The following ZNF462 variants were observed in gnomAD, a reference collection of about 807,000 sequenced individuals.
ZNF462 encodes the protein zinc finger PBX1-interacting protein.
A neutral mutation model predicts 201.9 loss-of-function variants in ZNF462; 10 were observed. The ratio of observed to expected loss-of-function variants is 0.05; its 90% CI spans 0.03 to 0.08. The LOEUF is 0.08. ZNF462 is among the 10% of genes least tolerant of loss of function. The pLI is 1.00. For missense variants in ZNF462, 2,523 were observed against 3,168.3 expected, an observed-to-expected ratio of 0.80 and a Z score of 4.89; for synonymous variants, 1,227 against 1,193.3, an observed-to-expected ratio of 1.03 and a Z score of -0.58.
In ZNF462 at chr9:106,914,866, T is replaced by C. The variant is rs147677780; in HGVS notation, c.-30-8488T>C. Among the ~76,000 whole-genome samples, 130 of 152,224 alleles carry C rather than the reference T, an allele frequency of 8.5e-4. 1 individual carries two copies. In the East Asian group the frequency reaches 0.017, roughly 20 times the overall value. ...GGGAGTGGTGGCTAAGATAGAGTTG[T>C]CAAGGAAAGCCCCTGGATTTAATTT... On this transcript the variant is annotated intron_variant, in intron 1 of 12. Coordinates refer to ENST00000277225, the MANE Select transcript of ZNF462 (RefSeq NM_021224.6).
chr9:107,002,977 G>T (rs1018723578), intron 10 of ZNF462, among the ~76,000 whole-genome samples: 4 of 152,096 alleles, frequency 2.6e-5, no homozygotes, highest in Non-Finnish European at 5.9e-5. Context: ...AATGTGTTTT[G>T]GATATTTACT....
chr9:106,982,970 T>G (rs77640922), intron 9 of ZNF462, among the ~76,000 whole-genome samples: 1 of 152,344 alleles, frequency 6.6e-6, no homozygotes, highest in East Asian at 1.9e-4. Flanking sequence ...CTTTCTTGAC[T>G]TAATAATACA....
rs1451165888 is a variant in ZNF462, at chr9:106,865,777, G to C, written c.-31+2422G>C. 6.6e-6 allele frequency among the ~76,000 whole-genome samples: 1 copy of C among 152,128 alleles called. No homozygotes were observed. Among genetic ancestry groups the C allele is most frequent in the Non-Finnish European group, 1.5e-5 (1 of 68,038 alleles). On this transcript the variant is annotated intron_variant, in intron 1 of 12. Coordinates refer to ENST00000277225, the MANE Select transcript of ZNF462 (RefSeq NM_021224.6). This position sits in a 1 kb window ranked among gnomAD's most constrained non-coding sequence, Gnocchi z 4.1. ...GGTATCTTCACCTTTTTAATTGGGA[G>C]GAATTTATTAATCATGTAGGAAGAC... is the stretch of plus-strand genomic sequence containing the variant.
chr9:106,952,665 A>G (rs1454122182), intron 7 of ZNF462, among the ~76,000 whole-genome samples: 1 of 152,246 alleles, frequency 6.6e-6, no homozygotes, highest in South Asian at 2.1e-4. Flanking sequence ...GATGAGTCCC[A>G]GTGTTAGACA....
At chr9:106,934,758 C>T (rs1830560711) in intron 5 of ZNF462, among the ~76,000 whole-genome samples, 1 of 152,122 alleles carries the variant, frequency 6.6e-6, no homozygotes, top group African/African-American at 2.4e-5. Flanking sequence ...CTTCCCACAC[C>T]TTGTTTGGTA....
In ZNF462 at chr9:106,870,143, C is replaced by CA. The variant is rs1827526111; in HGVS notation, c.-31+6791dup. Among the ~76,000 whole-genome samples the CA allele has an allele frequency of 6.6e-6, 1 of 152,124 alleles. No homozygotes were observed. The highest frequency in any genetic ancestry group is 1.5e-5 in the Non-Finnish European group (1 of 68,026). On this transcript the variant is annotated intron_variant, in intron 1 of 12. Coordinates refer to ENST00000277225, the MANE Select transcript of ZNF462 (RefSeq NM_021224.6). The surrounding 1 kb of genome is among the most constrained non-coding windows in gnomAD (Gnocchi z 4.3). ...TAATTATTTTCACGGCTTAGAAGGA[C>CA]AAAGGATAGAGTGGTGTGGTGTGAG...
chr9:106,864,582 C>G (rs1482406136), intron 1 of ZNF462, among the ~76,000 whole-genome samples: 1 of 152,150 alleles, frequency 6.6e-6, no homozygotes, highest in African/African-American at 2.4e-5. Flanking sequence ...CCAGGCTGTT[C>G]ACCATTCCTG....
In ZNF462 at chr9:106,981,775, T is replaced by C. The variant is rs780118378; in HGVS notation, c.6833-2411T>C. 2.6e-5 allele frequency among the ~76,000 whole-genome samples: 4 copies of C among 152,064 alleles called. No individual in the cohort carries two copies. Among genetic ancestry groups the C allele is most frequent in the African/African-American group, 7.2e-5 (3 of 41,406 alleles). ...CATAAAAAAGTTTGAAAGAACTGATTATTAATTGTGGAGAAGTGAAGACTG... is the reference window on the plus strand; with the variant it reads ...CATAAAAAAGTTTGAAAGAACTGATCATTAATTGTGGAGAAGTGAAGACTG... On this transcript the variant is annotated intron_variant, in intron 9 of 12. Coordinates refer to ENST00000277225, the MANE Select transcript of ZNF462 (RefSeq NM_021224.6). This position sits in a 1 kb window ranked among gnomAD's most constrained non-coding sequence, Gnocchi z 4.0.
chr9:106,940,847 T>G (rs926588885), intron 7 of ZNF462, among the ~76,000 whole-genome samples: 1 of 152,080 alleles, frequency 6.6e-6, no homozygotes, highest in Non-Finnish European at 1.5e-5. Flanking sequence ...CCTTTTCACC[T>G]GAAATCTTCT....
chr9:106,928,145 T>A lies in ZNF462; in HGVS notation c.4233T>A (p.Asp1411Glu). The A allele has an allele frequency of 3.1e-6, 5 of 1,614,168 alleles. No individual in the cohort carries two copies. The highest frequency in any genetic ancestry group is 4.2e-6 in the Non-Finnish European group (5 of 1,180,036). Residue 1411 changes from aspartate to glutamate, a missense_variant, in exon 3 of 13, where the codon GAT becomes GAA. Transcript: ENST00000277225. This position sits in a 1 kb window ranked among gnomAD's most constrained non-coding sequence, Gnocchi z 9.3. The stretch of plus-strand genomic sequence containing the variant: ...TACTGGACATCATCAAGGAGAAAGA[T>A]GCTGTGGAGAAGCCCATTCTTTCAT... ...SVLLDIIKEKDAVEKPILSSE... is the reference protein window; with the variant it reads ...SVLLDIIKEKEAVEKPILSSE...
At chr9:106,936,418 C>T (rs1830633559) in intron 6 of ZNF462, among the ~76,000 whole-genome samples, 1 of 152,172 alleles carries the variant, frequency 6.6e-6, no homozygotes, top group South Asian at 2.1e-4. Flanking sequence ...GGGTCCTTCA[C>T]TTTCGCCAGC....
In ZNF462 at chr9:106,974,029, G is replaced by A; in HGVS notation, c.6696-108G>A. ...AACAGATTTTTTTTTAGCCCCACAAGCAGGAGAGCCGCACTTGGACATATA... is the reference window on the plus strand; with the variant it reads ...AACAGATTTTTTTTTAGCCCCACAAACAGGAGAGCCGCACTTGGACATATA... On this transcript the variant is annotated intron_variant, in intron 8 of 12. Coordinates refer to ENST00000277225, the MANE Select transcript of ZNF462 (RefSeq NM_021224.6). This position sits in a 1 kb window ranked among gnomAD's most constrained non-coding sequence, Gnocchi z 4.0. The A allele has an allele frequency of 7.0e-7, 1 of 1,432,072 alleles. No homozygotes were observed. The highest frequency in any genetic ancestry group is 9.5e-7 in the Non-Finnish European group (1 of 1,049,188). 88.7% of individuals were successfully genotyped at this position (1,432,072 alleles called of 1,614,324 possible).
Position 106,939,063 on chromosome 9 carries a change from C to T in ZNF462, c.6383C>T (p.Ser2128Phe). 2 of 1,612,422 alleles carry T rather than the reference C, an allele frequency of 1.2e-6. No homozygotes were observed. The highest frequency in any genetic ancestry group is 1.7e-6 in the Non-Finnish European group (2 of 1,179,376). ...VSLLSSHSHH[S>F]SQKATPAEEV... is the part of the protein sequence containing the mutation. Reference sequence around the variant, plus strand: ...CTCCTCTCCTCACACTCCCACCACTCCTCCCAAAAAGCTACCCCGGCTGAA... The same window carrying T: ...CTCCTCTCCTCACACTCCCACCACTTCTCCCAAAAAGCTACCCCGGCTGAA... Residue 2128 changes from serine to phenylalanine, a missense_variant, in exon 7 of 13, where the codon TCC becomes TTC. Coordinates refer to ENST00000277225, the MANE Select transcript of ZNF462 (RefSeq NM_021224.6).
chr9:106,904,517 G>A (rs958504373), intron 1 of ZNF462, among the ~76,000 whole-genome samples: 5 of 152,108 alleles, frequency 3.3e-5, no homozygotes, highest in African/African-American at 4.8e-5. Flanking sequence ...TATTCCCCCC[G>A]ATATGTTTTC....
Position 107,006,449 on chromosome 9 carries a change from C to T in ZNF462, c.7189+3023C>T, listed in dbSNP as rs192520584. On this transcript the variant is annotated intron_variant, in intron 11 of 12. Coordinates refer to ENST00000277225, the MANE Select transcript of ZNF462 (RefSeq NM_021224.6). This position sits in a 1 kb window ranked among gnomAD's most constrained non-coding sequence, Gnocchi z 4.3. The stretch of plus-strand genomic sequence containing the variant: ...CTCCAAAGGCAAGCCCTCTTCTTAC[C>T]CTGCACACCACTTTCCCAGTGCTTC... Among the ~76,000 whole-genome samples, 1 of 152,190 alleles carries T rather than the reference C, an allele frequency of 6.6e-6. No individual in the cohort carries two copies. Among genetic ancestry groups the T allele is most frequent in the Non-Finnish European group, 1.5e-5 (1 of 68,008 alleles).
intron 1 of ZNF462, among the ~76,000 whole-genome samples, chr9:106,878,544 A>T (rs987022793): frequency 6.6e-6 from 1 of 152,218 alleles, no homozygotes; most frequent in African/African-American, 2.4e-5. Flanking sequence ...GTGAGTACTA[A>T]GCACGGCTAC....
chr9:106,911,731 C>T (rs538581956), intron 1 of ZNF462, among the ~76,000 whole-genome samples: 1 of 152,270 alleles, frequency 6.6e-6, no homozygotes, highest in African/African-American at 2.4e-5. Context: ...CTAAGCTATT[C>T]TCTTCAGAAT....
rs1258830486 is a variant in ZNF462 at position 106,950,157 on chromosome 9, C to G, written c.6427+11050C>G. 1.3e-5 allele frequency among the ~76,000 whole-genome samples: 2 copies of G among 152,218 alleles called. No homozygotes were observed. Among genetic ancestry groups the G allele is most frequent in the Non-Finnish European group, 2.9e-5 (2 of 68,032 alleles). On this transcript the variant is annotated intron_variant, in intron 7 of 12. Transcript: ENST00000277225. The surrounding 1 kb of genome is among the most constrained non-coding windows in gnomAD (Gnocchi z 4.1). ...AGCCAGTCTTTCTGATTCTAACCTC[C>G]ATCTTTTCCAATCTGTTTTCCAGGA...
intron 1 of ZNF462, among the ~76,000 whole-genome samples, chr9:106,875,512 A>G (rs1031162495): frequency 6.6e-5 from 10 of 152,358 alleles, no homozygotes; most frequent in Admixed American, 3.9e-4. Flanking sequence ...CCTTAGCAAC[A>G]TGATCACTAA....
Sources: gnomAD v4.1 joint callset for allele counts (sites outside exome capture counted in the v4.1 genomes callset) on GRCh38, gnomAD v4.1.1 for gene constraint, Gnocchi (gnomAD v3.1) non-coding constraint, MANE v1.5 for transcripts, NCBI Gene and HGNC (gene_info 2026-07-23, HGNC 2026-07-21) for gene names.